The following EPHA5 variants were observed in gnomAD, a reference collection of about 807,000 sequenced individuals.
EPHA5 encodes the protein ephrin type-A receptor 5.
A neutral mutation model predicts 105.0 loss-of-function variants in EPHA5; 60 were observed. The observed-to-expected ratio is 0.57, with a 90% CI of 0.46 to 0.71. The LOEUF (loss-of-function observed/expected upper bound fraction) is 0.71. Among genes scored for constraint, EPHA5 ranks in the 30% least tolerant of loss-of-function variants. The pLI is 0.00. For synonymous variants in EPHA5, 513 were observed against 449.1 expected, an observed-to-expected ratio of 1.14 and a Z score of -1.80; for missense variants, 1,218 against 1,274.7, an observed-to-expected ratio of 0.96 and a Z score of 0.68.
At chr4:65,428,754 T>C (rs1724694036) in intron 5 of EPHA5, among the ~76,000 whole-genome samples, 2 of 152,088 alleles carry the variant, frequency 1.3e-5, no homozygotes, top group South Asian at 4.1e-4. Flanking sequence ...GTAACTTAAT[T>C]GCCAAGAAGT....
At chr4:65,451,037 C>G (rs1021652442) in intron 5 of EPHA5, among the ~76,000 whole-genome samples, 3 of 152,108 alleles carry the variant, frequency 2.0e-5, no homozygotes, top group Non-Finnish European at 4.4e-5. Flanking sequence ...TTCTTCAATA[C>G]AGACCTTCTA....
chr4:65,668,470 T>A (rs74342332), intron 1 of EPHA5, among the ~76,000 whole-genome samples: 2,397 of 152,286 alleles, frequency 0.016, 65 homozygotes, highest in African/African-American at 0.055. Flanking sequence ...CTGACAGATC[T>A]GGATCTGAGA....
At chr4:65,332,177 A>T (rs2148799987) in intron 15 of EPHA5, 49 bp from the exon 16 acceptor site, 1 of 1,444,338 alleles carries the variant, frequency 6.9e-7, no homozygotes, top group Non-Finnish European at 9.3e-7. Flanking sequence ...TAATTCTTTT[A>T]TAACAAAGTT....
Position 65,320,220 on chromosome 4 carries a change from A to G in EPHA5, c.*3894T>C, listed in dbSNP as rs1719525868. ...TACTATATAATTAACAGCACAATAG[A>G]GAAAATTATTCAATGTAAACAGCTG... On this transcript the variant is annotated 3_prime_UTR_variant, in exon 17 of 17. Coordinates refer to ENST00000613740, the MANE Select transcript of EPHA5 (RefSeq NM_001281766.3). The G allele has an allele frequency of 4.3e-6, 1 of 230,032 alleles. No individual in the cohort carries two copies. The highest frequency in any genetic ancestry group is 5.7e-5 in the Admixed American group (1 of 17,626). The allele number at this position is 230,032 out of a possible 1,614,324, so 14.2% of individuals were successfully genotyped here. A position where few individuals can be genotyped will look rare whatever the true frequency, so the allele number is the denominator to read the frequency against.
chr4:65,533,909 G>A (rs905055091), intron 3 of EPHA5, among the ~76,000 whole-genome samples: 23 of 151,248 alleles, frequency 1.5e-4, no homozygotes, highest in African/African-American at 5.6e-4. Flanking sequence ...CTCCAGCCTG[G>A]GTGACAGAGT....
At chr4:65,386,654 G>A (rs1002859698) in intron 8 of EPHA5, among the ~76,000 whole-genome samples, 2 of 151,608 alleles carry the variant, frequency 1.3e-5, no homozygotes, top group African/African-American at 2.4e-5. Flanking sequence ...CTAAATTTTT[G>A]CTTTTAAAAT....
At chr4:65,617,423 T>C (rs1399655948) in intron 2 of EPHA5, among the ~76,000 whole-genome samples, 2 of 152,138 alleles carry the variant, frequency 1.3e-5, no homozygotes, top group East Asian at 3.8e-4. Flanking sequence ...TTTATGCATG[T>C]AAAAATGAAA....
At chr4:65,504,985 A>C (rs144707078) in intron 3 of EPHA5, among the ~76,000 whole-genome samples, 1 of 152,074 alleles carries the variant, frequency 6.6e-6, no homozygotes, top group African/African-American at 2.4e-5. Context: ...AATGTGAATT[A>C]GTTAAGAAAT....
At chr4:65,448,071 G>C (rs1726724752) in intron 5 of EPHA5, among the ~76,000 whole-genome samples, 1 of 151,598 alleles carries the variant, frequency 6.6e-6, no homozygotes, top group African/African-American at 2.4e-5. Flanking sequence ...TCAATTTCTT[G>C]TTATATGAAA....
At chr4:65,640,117 T>C (rs879424725) in intron 2 of EPHA5, among the ~76,000 whole-genome samples, 3 of 152,120 alleles carry the variant, frequency 2.0e-5, no homozygotes, top group African/African-American at 7.2e-5. Flanking sequence ...ATTGCAAACC[T>C]GGCATATTAA....
chr4:65,450,694 T>C (rs1275485192), intron 5 of EPHA5, among the ~76,000 whole-genome samples: 1 of 152,186 alleles, frequency 6.6e-6, no homozygotes, highest in African/African-American at 2.4e-5. Context: ...AAAAGTGACA[T>C]ACTTGCAGCT....
At chr4:65,377,501 C>T (rs1361032748) in intron 8 of EPHA5, among the ~76,000 whole-genome samples, 3 of 151,880 alleles carry the variant, frequency 2.0e-5, no homozygotes, top group Admixed American at 2.0e-4. Flanking sequence ...AAGACTTTCT[C>T]ATGTGACCCA....
chr4:65,520,242 A>G (rs1734552978), intron 3 of EPHA5, among the ~76,000 whole-genome samples: 1 of 152,166 alleles, frequency 6.6e-6, no homozygotes, highest in South Asian at 2.1e-4. Flanking sequence ...CAACCATCTG[A>G]TCTTTGACAA....
intron 3 of EPHA5, among the ~76,000 whole-genome samples, chr4:65,522,157 T>C (rs973786800): frequency 6.6e-6 from 1 of 151,884 alleles, no homozygotes; most frequent in Non-Finnish European, 1.5e-5. Context: ...ATGGCCTGTA[T>C]GTATTTTGTA....
Position 65,322,701 on chromosome 4 carries a change from T to C in EPHA5, c.*1413A>G, listed in dbSNP as rs987098276. 5.8e-5 allele frequency: 13 copies of C among 225,612 alleles called. No individual in the cohort carries two copies. Among genetic ancestry groups the C allele is most frequent in the Middle Eastern group, 1.3e-3 (1 of 770 alleles). 14.0% of individuals were successfully genotyped at this position (225,612 alleles called of 1,614,324 possible). ...TACATAATACCTTGGATTGGTTCAA[T>C]AAAATAAACTCAAAGCCATGTAACT... On this transcript the variant is annotated 3_prime_UTR_variant, in exon 17 of 17. Transcript: ENST00000613740.
intron 1 of EPHA5, among the ~76,000 whole-genome samples, chr4:65,658,543 C>G (rs940715386): frequency 6.6e-6 from 1 of 152,080 alleles, no homozygotes; most frequent in Non-Finnish European, 1.5e-5. Context: ...CCAACCCACA[C>G]TGTTTTAATA....
At chr4:65,523,603 C>T (rs1053014805) in intron 3 of EPHA5, among the ~76,000 whole-genome samples, 1 of 151,962 alleles carries the variant, frequency 6.6e-6, no homozygotes, top group African/African-American at 2.4e-5. Flanking sequence ...GTTTGCAAAT[C>T]TGATGTTCTA....
chr4:65,510,270 C>A (rs1486925271), intron 3 of EPHA5, among the ~76,000 whole-genome samples: 1 of 151,676 alleles, frequency 6.6e-6, no homozygotes, highest in Admixed American at 6.6e-5. Context: ...GTCTCGAACT[C>A]CCAACCTCAG....
At chr4:65,615,431 T>A (rs1745145846) in intron 2 of EPHA5, among the ~76,000 whole-genome samples, 1 of 151,748 alleles carries the variant, frequency 6.6e-6, no homozygotes, top group South Asian at 2.1e-4. Context: ...GGAACAAGAA[T>A]ATGACAATAA....
Sources: gnomAD v4.1 joint callset for allele counts (sites outside exome capture counted in the v4.1 genomes callset) on GRCh38, gnomAD v4.1.1 for gene constraint, MANE v1.5 for transcripts, NCBI Gene and HGNC (gene_info 2026-07-23, HGNC 2026-07-21) for gene names.